Variants in RFPL1 observed in about 807,000 individuals in gnomAD.
RFPL1 encodes ret finger protein like 1, also known as ret finger protein-like 1.
Under a neutral mutation model 9.6 loss-of-function variants are expected in RFPL1, and 6 were observed. The observed-to-expected ratio is 0.62, with a 90% CI of 0.34 to 1.23. RFPL1 has a LOEUF of 1.23. Among genes scored for constraint, RFPL1 ranks in the 50% most tolerant of loss-of-function variants. The pLI is 0.03. For synonymous variants in RFPL1, 145 were observed against 149.4 expected (o/e 0.97, Z 0.22); for missense variants, 352 against 398.4 (o/e 0.88, Z 0.99).
the RFPL1 span, among the ~76,000 whole-genome samples, chr22:29,397,933 AG>A: frequency 6.6e-6 from 1 of 152,200 alleles, no homozygotes; most frequent in Admixed American, 6.5e-5. Context: ...TCAGTGTGAC[AG>A]GGTGGCTGGG....
At chr22:29,415,785 T>C in the RFPL1 span, among the ~76,000 whole-genome samples, 4 of 152,234 alleles carry the variant, frequency 2.6e-5, no homozygotes, top group Non-Finnish European at 5.9e-5. Context: ...CGTGATAGAC[T>C]GAGCAAGCAT....
At chr22:29,433,149 CG>C in the RFPL1 span, among the ~76,000 whole-genome samples, 1 of 151,762 alleles carries the variant, frequency 6.6e-6, no homozygotes, top group African/African-American at 2.4e-5. Context: ...AAAAATTAGC[CG>C]GGTGCTGTGG....
upstream of RFPL1, chr22:29,438,485 C>T (rs1474390316): frequency 1.6e-5 from 13 of 804,872 alleles, no homozygotes; most frequent in Non-Finnish European, 2.0e-5. Context: ...GCCCGGCCTC[C>T]CAGCCCCTAA....
At chr22:29,436,930 C>A (rs147925028), upstream of RFPL1, 2 of 151,930 alleles carry the variant, frequency 1.3e-5, no homozygotes, top group African/African-American at 2.4e-5. Flanking sequence ...AATTTGAAAA[C>A]AAAGCAGTAA....
exon 2 of RFPL1, chr22:29,442,029 T>C: frequency 6.2e-7 from 1 of 1,614,096 alleles, no homozygotes; most frequent in Non-Finnish European, 8.5e-7. Flanking sequence ...CTCCTCCAAG[T>C]CCACCTAATG....
chr22:29,389,665 G>A, the RFPL1 span, among the ~76,000 whole-genome samples: 3 of 134,266 alleles, frequency 2.2e-5, no homozygotes, highest in East Asian at 6.5e-4. Flanking sequence ...CAGCCTGGGC[G>A]ACAGAGCAAG....
the RFPL1 span, among the ~76,000 whole-genome samples, chr22:29,406,796 C>T: frequency 6.6e-6 from 1 of 152,206 alleles, no homozygotes; most frequent in Non-Finnish European, 1.5e-5. Flanking sequence ...TCTGCTCTAC[C>T]TTGCAGGTTT....
At chr22:29,406,847 C>T in the RFPL1 span, among the ~76,000 whole-genome samples, 2 of 152,122 alleles carry the variant, frequency 1.3e-5, no homozygotes, top group Non-Finnish European at 2.9e-5. Flanking sequence ...AATATGGAGA[C>T]GGCACGGGAT....
rs142648482 is a variant in RFPL1 at position 29,439,152 on chromosome 22, C to T, written c.361C>T (p.Arg121Trp). ...GATTCTGCAGATGAACCCAAGGATG[C>T]GGAAGTTCCAAGGTGAGGGATCTGT... is the stretch of plus-strand genomic sequence containing the variant. The change falls in exon 1 of 2, where the codon CGG (arginine) becomes TGG (tryptophan). Residue 121 changes from arginine to tryptophan, a missense_variant. Transcript: ENST00000354373. The T allele has an allele frequency of 2.3e-4, 369 of 1,613,842 alleles. 1 individual carries two copies. In the African/African-American group the frequency reaches 4.1e-3, roughly 18 times the overall value.
At chr22:29,410,634 T>G in the RFPL1 span, among the ~76,000 whole-genome samples, 6 of 108,480 alleles carry the variant, frequency 5.5e-5, no homozygotes, top group African/African-American at 1.3e-4. Context: ...TAGATAGATA[T>G]ATTGTAGATA....
At chr22:29,405,654 C>T in the RFPL1 span, among the ~76,000 whole-genome samples, 2 of 152,166 alleles carry the variant, frequency 1.3e-5, no homozygotes, top group African/African-American at 2.4e-5. Flanking sequence ...GATCTCTGTC[C>T]CCAGGGAACC....
At chr22:29,425,534 G>A in the RFPL1 span, among the ~76,000 whole-genome samples, 1 of 152,120 alleles carries the variant, frequency 6.6e-6, no homozygotes, top group Non-Finnish European at 1.5e-5. Context: ...CACAGCCACC[G>A]GTCAGAATTT....
At chr22:29,421,867 C>T in the RFPL1 span, among the ~76,000 whole-genome samples, 12 of 152,252 alleles carry the variant, frequency 7.9e-5, no homozygotes, top group East Asian at 2.3e-3. Flanking sequence ...TTGAGCAACA[C>T]CAGGTCAGAG....
the RFPL1 span, among the ~76,000 whole-genome samples, chr22:29,417,472 T>C: frequency 2.0e-5 from 3 of 149,436 alleles, no homozygotes; most frequent in South Asian, 6.4e-4. Flanking sequence ...GGGACCTGGA[T>C]GGGAGCTGCT....
the RFPL1 span, among the ~76,000 whole-genome samples, chr22:29,390,515 A>G: frequency 6.6e-6 from 1 of 152,142 alleles, no homozygotes; most frequent in African/African-American, 2.4e-5. Flanking sequence ...CTGCAGTATA[A>G]TAGCAAAAGC....
At chr22:29,431,764 C>T in the RFPL1 span, among the ~76,000 whole-genome samples, 1 of 151,706 alleles carries the variant, frequency 6.6e-6, no homozygotes, top group African/African-American at 2.4e-5. Flanking sequence ...CAGCTCTCTG[C>T]AACCTCCATC....
At chr22:29,420,373 C>T in the RFPL1 span, among the ~76,000 whole-genome samples, 1 of 152,198 alleles carries the variant, frequency 6.6e-6, no homozygotes, top group African/African-American at 2.4e-5. Context: ...CTCTGTCACC[C>T]AGGCTGGAGT....
exon 2 of RFPL1, chr22:29,441,828 G>C: frequency 6.2e-7 from 1 of 1,613,998 alleles, no homozygotes; most frequent in Non-Finnish European, 8.5e-7. Flanking sequence ...CTGTGAGTTT[G>C]AGGGATGGAA....
the RFPL1 span, among the ~76,000 whole-genome samples, chr22:29,414,355 A>G: frequency 6.6e-6 from 1 of 152,250 alleles, no homozygotes; most frequent in Non-Finnish European, 1.5e-5. Context: ...ACTTTTAGCA[A>G]AACAACTTTA....
Sources: allele counts gnomAD v4.1 joint callset (sites outside exome capture counted in the v4.1 genomes callset), GRCh38; gene constraint gnomAD v4.1.1; transcripts MANE v1.5; gene names NCBI Gene and HGNC (gene_info 2026-07-23, HGNC 2026-07-21).